USP7: variants seen among roughly 807,000 people sequenced by gnomAD.
The protein encoded by USP7 is ubiquitin specific peptidase 7.
A neutral mutation model predicts 162.9 loss-of-function variants in USP7; 9 were observed. The observed-to-expected ratio is 0.06, with a 90% CI of 0.03 to 0.10. USP7 has a LOEUF of 0.10. USP7 is among the 10% of genes least tolerant of loss of function. The pLI, the probability that USP7 is intolerant of heterozygous loss-of-function variation, is 1.00. For missense variants in USP7, 715 were observed against 1,373.7 expected (o/e 0.52, Z 7.58); for synonymous variants, 562 against 475.9 (o/e 1.18, Z -2.35).
chr16:8,916,958 C>T (rs1203857304), intron 7 of USP7, 68 bp downstream of exon 7: 1 of 1,453,928 alleles, frequency 6.9e-7, no homozygotes, highest in Non-Finnish European at 9.0e-7. Context: ...CTATTCTCTA[C>T]TCACTTGTCC....
At chr16:8,922,614 C>T (rs1370545648) in intron 3 of USP7, among the ~76,000 whole-genome samples, 1 of 152,228 alleles carries the variant, frequency 6.6e-6, no homozygotes, top group Non-Finnish European at 1.5e-5. Context: ...TCCAAGTCAG[C>T]AGCTTCCCCT....
At chr16:8,894,746 A>T in intron 29 of USP7, 38 bp downstream of exon 29, 13 of 1,614,066 alleles carry the variant, frequency 8.1e-6, no homozygotes, top group Non-Finnish European at 1.0e-5. Context: ...GCTTGAGCCT[A>T]TGGCCCGCCA....
At chr16:8,900,255 A>T in intron 21 of USP7, 1 of 358,584 alleles carries the variant, frequency 2.8e-6, no homozygotes, top group Non-Finnish European at 5.0e-6. Context: ...CATAAATCTC[A>T]GGGGAAGGAA....
chr16:8,952,447 G>A (rs1899597483), intron 1 of USP7, among the ~76,000 whole-genome samples: 1 of 152,142 alleles, frequency 6.6e-6, no homozygotes, highest in Non-Finnish European at 1.5e-5. Context: ...CTAAAACCAA[G>A]GTGCCAGCAG....
chr16:8,942,818 G>T (rs775623154), intron 1 of USP7, among the ~76,000 whole-genome samples: 1 of 152,126 alleles, frequency 6.6e-6, no homozygotes, highest in Admixed American at 6.5e-5. Flanking sequence ...AAAGTGTTGG[G>T]GTTACAGACA....
At chr16:8,902,218 G>A (rs778455675) in intron 17 of USP7, 31 bp from the exon 18 acceptor site, 4 of 1,608,394 alleles carry the variant, frequency 2.5e-6, no homozygotes, top group African/African-American at 1.3e-5. Flanking sequence ...GATTTTAGAA[G>A]AGTCTAATGG....
rs71155425 is a variant in USP7, at chr16:8,961,504, A to AGGGG, written c.79+1699_79+1702dup. Among the ~76,000 whole-genome samples, 291 of 60,294 alleles carry AGGGG rather than the reference A, an allele frequency of 4.8e-3. 3 individuals carry two copies. The highest frequency in any genetic ancestry group is 6.6e-3 in the Non-Finnish European group (211 of 31,744). 39.6% of individuals were successfully genotyped at this position (60,294 alleles called of 152,430 possible). A position where few individuals can be genotyped will look rare whatever the true frequency, so the allele number is the denominator to read the frequency against. ...CAAAAATCCGTCTCAAAAAAAAAAA[A>AGGGG]GGGGGGGGGGGGCAAATACCTTGAA... On this transcript the variant is annotated intron_variant, in intron 1 of 30. Transcript: ENST00000344836.
chr16:8,942,534 A>G (rs967570747), intron 1 of USP7, among the ~76,000 whole-genome samples: 4 of 152,124 alleles, frequency 2.6e-5, no homozygotes, highest in African/African-American at 9.7e-5. Context: ...TGGTCTTATT[A>G]ACAATATTTG....
At chr16:8,905,097 T>C in intron 14 of USP7, 90 bp downstream of exon 14, 3 of 1,492,348 alleles carry the variant, frequency 2.0e-6, no homozygotes, top group Non-Finnish European at 1.9e-6. Flanking sequence ...GCATAAAATG[T>C]GTTTGGACAG....
Position 8,902,432 on chromosome 16 carries a change from A to G in USP7, c.1890T>C (p.Asn630=). The G allele has an allele frequency of 3.1e-6, 5 of 1,614,110 alleles. No individual in the cohort carries two copies. The highest frequency in any genetic ancestry group is 1.6e-4 in the Middle Eastern group (1 of 6,062). Residue 630 remains asparagine, a synonymous_variant, in exon 17 of 31, where the codon AAT becomes AAC. Coordinates refer to ENST00000344836, the MANE Select transcript of USP7 (RefSeq NM_003470.3). ...CTAACATTGCTGGTCGTTTTGTTCCATTACTCCTTGCTTGCATGGGCCACA... is the reference window on the plus strand; with the variant it reads ...CTAACATTGCTGGTCGTTTTGTTCCGTTACTCCTTGCTTGCATGGGCCACA... The part of the protein sequence containing the change: ...IRLWPMQARS[N]GTKRPAMLDN...
At chr16:8,897,373 A>G (rs1416623928) in intron 25 of USP7, 1 of 400,456 alleles carries the variant, frequency 2.5e-6, no homozygotes, top group Non-Finnish European at 4.5e-6. Flanking sequence ...CTTCTCAGGA[A>G]ATGGTCCCGA....
chr16:8,910,877 G>T, intron 10 of USP7, 50 bp from the exon 11 acceptor site: 1 of 1,460,830 alleles, frequency 6.8e-7, no homozygotes, highest in Non-Finnish European at 9.6e-7. Context: ...CATTTATAAT[G>T]TAGCCAACAC....
rs1022719716 is a variant in USP7 at position 8,893,926 on chromosome 16, G to A, written c.*72C>T. 27 of 1,353,036 alleles carry A rather than the reference G, an allele frequency of 2.0e-5. No homozygotes were observed. Among genetic ancestry groups the A allele is most frequent in the African/African-American group, 1.1e-4 (8 of 69,644 alleles). 83.8% of individuals were successfully genotyped at this position (1,353,036 alleles called of 1,614,324 possible). A position where few individuals can be genotyped will look rare whatever the true frequency, so the allele number is the denominator to read the frequency against. On this transcript the variant is annotated 3_prime_UTR_variant, in exon 31 of 31. Transcript: ENST00000344836. Reference sequence around the variant, plus strand: ...GCTGAAGACTTCGGCTAGAGGGCACGTGCACCAAAGTTCTAGGCTGTTAAG... The same window carrying A: ...GCTGAAGACTTCGGCTAGAGGGCACATGCACCAAAGTTCTAGGCTGTTAAG...
Position 8,894,331 on chromosome 16 carries a change from A to G in USP7, c.3202+219T>C, listed in dbSNP as rs899254. 0.37 allele frequency among the ~76,000 whole-genome samples: 55,753 copies of G among 152,036 alleles called. 10,580 individuals are homozygous for G. The highest frequency in any genetic ancestry group is 0.45 in the Middle Eastern group (133 of 294). On this transcript the variant is annotated intron_variant, in intron 30 of 30. Transcript: ENST00000344836. ...TGAGTCTCAATCACCCTGCACACAT[A>G]TCCAAGCTTCTCTCCTTGAAGATCT... is the stretch of plus-strand genomic sequence containing the variant.
chr16:8,916,379 G>C (rs537126745), intron 8 of USP7, 123 bp downstream of exon 8: 8 of 1,039,146 alleles, frequency 7.7e-6, no homozygotes. Flanking sequence ...TGTAGCCTAA[G>C]TCTGATCCTA....
chr16:8,953,550 G>C (rs1899660053), intron 1 of USP7, among the ~76,000 whole-genome samples: 1 of 121,930 alleles, frequency 8.2e-6, no homozygotes, highest in Non-Finnish European at 1.9e-5. Context: ...CGTGCCCCAT[G>C]CGGCGCCACC....
chr16:8,895,615 G>C, intron 27 of USP7, 27 bp downstream of exon 27: 1 of 1,568,890 alleles, frequency 6.4e-7, no homozygotes, highest in Non-Finnish European at 8.8e-7. Context: ...AATTCTCTCT[G>C]GTGCCAACAG....
At chr16:8,895,344 C>G (rs1482824182) in intron 27 of USP7, among the ~76,000 whole-genome samples, 194 bp from the exon 28 acceptor site, 1 of 152,170 alleles carries the variant, frequency 6.6e-6, no homozygotes, top group Non-Finnish European at 1.5e-5. Context: ...TTTCTTCCCC[C>G]TCCCCCAAAA....
chr16:8,896,957 C>A lies in USP7; in HGVS notation c.2819+42G>T, dbSNP rs1473790150. The A allele has an allele frequency of 6.1e-6, 9 of 1,486,264 alleles. No individual in the cohort carries two copies. In the East Asian group the frequency reaches 1.1e-4, roughly 19 times the overall value. The allele number at this position is 1,486,264 out of a possible 1,614,324, so 92.1% of individuals were successfully genotyped here. A position where few individuals can be genotyped will look rare whatever the true frequency, so the allele number is the denominator to read the frequency against. On this transcript the variant is annotated intron_variant, in intron 26 of 30. Transcript: ENST00000344836. ...CTGCAGAGGTCAGCGTTAACTGCCA[C>A]CCCTAACTGAACGTCCACAATTGGG...
Sources: allele counts gnomAD v4.1 joint callset (sites outside exome capture counted in the v4.1 genomes callset), GRCh38; gene constraint gnomAD v4.1.1; transcripts MANE v1.5; gene names NCBI Gene and HGNC (gene_info 2026-07-23, HGNC 2026-07-21).